PEX7: variants seen among roughly 807,000 people sequenced by gnomAD.
PEX7 encodes the protein peroxisomal biogenesis factor 7.
In PEX7, 34 loss-of-function variants were observed where a neutral mutation model predicts 47.5. That is an observed-to-expected ratio of 0.72 (90% CI 0.54 to 0.95). PEX7 has a LOEUF of 0.95. PEX7 is among the 40% of genes least tolerant of loss of function. PEX7 has a pLI of 0.00. For synonymous variants in PEX7, 141 were observed against 148.8 expected (o/e 0.95, Z 0.38); for missense variants, 394 against 400.3 (o/e 0.98, Z 0.13).
At chr6:136,864,362 A>G (rs1775020687) in intron 5 of PEX7, among the ~76,000 whole-genome samples, 1 of 152,104 alleles carries the variant, frequency 6.6e-6, no homozygotes, top group Admixed American at 6.6e-5. Context: ...TCTTTTGCGT[A>G]TCTGGCACCG....
At chr6:136,842,367 C>T (rs930562585) in intron 3 of PEX7, among the ~76,000 whole-genome samples, 1 of 152,218 alleles carries the variant, frequency 6.6e-6, no homozygotes, top group African/African-American at 2.4e-5. Context: ...GTCATAGAGA[C>T]CTAATGCTTG....
chr6:136,852,199 C>T lies in PEX7; in HGVS notation c.526+6018C>T, dbSNP rs557204623. Reference sequence around the variant, plus strand: ...TTGTATAAGGTGTAAGGAAGGGATCCAGTTTCAGCTTTCTGGAAGCACTGG... The same window carrying T: ...TTGTATAAGGTGTAAGGAAGGGATCTAGTTTCAGCTTTCTGGAAGCACTGG... On this transcript the variant is annotated intron_variant, in intron 5 of 9. Transcript: ENST00000318471. 6.6e-5 allele frequency among the ~76,000 whole-genome samples: 10 copies of T among 152,110 alleles called. No individual in the cohort carries two copies. In the South Asian group the frequency reaches 2.1e-3, roughly 32 times the overall value.
chr6:136,894,171 A>AT (rs1775603676), intron 8 of PEX7, among the ~76,000 whole-genome samples: 1 of 152,152 alleles, frequency 6.6e-6, no homozygotes, highest in Non-Finnish European at 1.5e-5. Context: ...AAAAAAAGTA[A>AT]TAATAGGCCA....
At chr6:136,861,542 T>C (rs1774963624) in intron 5 of PEX7, among the ~76,000 whole-genome samples, 1 of 152,184 alleles carries the variant, frequency 6.6e-6, no homozygotes, top group African/African-American at 2.4e-5. Flanking sequence ...TTAGGCATTT[T>C]GTATGTTTTA....
At position 136,898,199 on chromosome 6, in the gene PEX7, G is replaced by A; in HGVS notation, c.861G>A (p.Glu287=). The A allele has an allele frequency of 6.2e-7, 1 of 1,612,562 alleles. No homozygotes were observed. Residue 287 remains glutamate (E), a synonymous_variant, in exon 9 of 10, where the codon GAG becomes GAA. Transcript: ENST00000318471. ...SLLETVEHHT[E]FTCGLDFSLQ... is the part of the protein sequence containing the mutation. ...TTGAAACAGTGGAGCATCATACAGA[G>A]TTTACTTGTGGTTTAGACTTCAGTC...
At chr6:136,835,975 A>G (rs1007619394) in intron 3 of PEX7, among the ~76,000 whole-genome samples, 1 of 152,198 alleles carries the variant, frequency 6.6e-6, no homozygotes, top group Non-Finnish European at 1.5e-5. Flanking sequence ...TGCTGCTACT[A>G]TATCTGTAGT....
In PEX7 at chr6:136,869,940, A is replaced by C; in HGVS notation, c.684A>C (p.Leu228Phe). ...AVDCSLRGWD[L>F]RNVRQPVFEL... ...ACTGTAGTTTGAGAGGCTGGGACTTAAGGAATGTACGACAACCAGTGTTTG... is the reference window on the plus strand; with the variant it reads ...ACTGTAGTTTGAGAGGCTGGGACTTCAGGAATGTACGACAACCAGTGTTTG... Residue 228 changes from leucine to phenylalanine, a missense_variant, in exon 7 of 10, where the codon TTA becomes TTC. Transcript: ENST00000318471. 1.2e-6 allele frequency: 2 copies of C among 1,614,132 alleles called. No homozygotes were observed. The highest frequency in any genetic ancestry group is 1.7e-6 in the Non-Finnish European group (2 of 1,179,986).
intron 5 of PEX7, among the ~76,000 whole-genome samples, chr6:136,862,872 C>A (rs1032087198): frequency 6.6e-6 from 1 of 152,136 alleles, no homozygotes; most frequent in African/African-American, 2.4e-5. Flanking sequence ...TTTATAGAAT[C>A]ACTTGGTGAG....
chr6:136,857,542 C>A (rs1451034181), intron 5 of PEX7, among the ~76,000 whole-genome samples: 1 of 152,148 alleles, frequency 6.6e-6, no homozygotes, highest in Non-Finnish European at 1.5e-5. Context: ...CTAGAAGCAG[C>A]TAGTGATGAA....
Sources: allele counts gnomAD v4.1 joint callset (sites outside exome capture counted in the v4.1 genomes callset), GRCh38; gene constraint gnomAD v4.1.1; transcripts MANE v1.5; gene names NCBI Gene and HGNC (gene_info 2026-07-23, HGNC 2026-07-21).